BRCA1: variants seen among roughly 807,000 people sequenced by gnomAD.
BRCA1 encodes the protein BRCA1 DNA repair associated, also known as breast cancer type 1 susceptibility protein.
In BRCA1, 140 loss-of-function variants were observed where a neutral mutation model predicts 173.7. The ratio of observed to expected loss-of-function variants is 0.81; its 90% confidence interval spans 0.70 to 0.93. The LOEUF (loss-of-function observed/expected upper bound fraction) is 0.93. BRCA1 is among the 40% of genes least tolerant of loss of function. The probability of loss-of-function intolerance (pLI) is 0.00; values close to 1 mark genes in which losing one functional copy is unlikely to be tolerated. For synonymous variants in BRCA1, 662 were observed against 756.0 expected, an observed-to-expected ratio of 0.88 and a Z score of 2.04; for missense variants, 1,983 against 2,172.5, an observed-to-expected ratio of 0.91 and a Z score of 1.73.
chr17:43,073,929 G>T (rs1485653205), intron 14 of BRCA1, among the ~76,000 whole-genome samples: 1 of 151,830 alleles, frequency 6.6e-6, no homozygotes, highest in Non-Finnish European at 1.5e-5. Context: ...TAATTTTTTT[G>T]TATTTTTAGT....
At chr17:43,105,751 AAC>A (rs2054733656) in intron 4 of BRCA1, among the ~76,000 whole-genome samples, 1 of 152,214 alleles carries the variant, frequency 6.6e-6, no homozygotes, top group African/African-American at 2.4e-5. Flanking sequence ...ACTTAGGAAA[AAC>A]AGTGTTGAGA....
At chr17:43,139,805 T>C in intron 1 of BRCA1, 1 of 457,940 alleles carries the variant, frequency 2.2e-6, no homozygotes, top group Non-Finnish European at 4.4e-6. Context: ...GGTTTTCTGT[T>C]CCTTTCTTAG....
chr17:43,094,731 GAA>G lies in BRCA1; in HGVS notation c.798_799del (p.Ser267LysfsTer19), dbSNP rs80357724. On this transcript the variant is annotated frameshift_variant, in exon 10 of 23. Coordinates refer to ENST00000357654, the MANE Select transcript of BRCA1 (RefSeq NM_007294.4). LOFTEE classifies it high-confidence loss of function. ...GCCACATGGCTCCACATGCAAGTTT[GAA>G]ACAGAACTACCCTGATACTTTTCTG... 2 of 1,611,436 alleles carry G rather than the reference GAA, an allele frequency of 1.2e-6. No homozygotes were observed. Among genetic ancestry groups the G allele is most frequent in the Non-Finnish European group, 1.7e-6 (2 of 1,178,210 alleles).
At chr17:43,057,184 C>T (rs753487581) in intron 18 of BRCA1, 49 bp from the exon 19 acceptor site, 2 of 1,573,148 alleles carry the variant, frequency 1.3e-6, no homozygotes, top group Admixed American at 1.7e-5. Flanking sequence ...AGAGAAGCTT[C>T]CTTCAATGGA....
At chr17:43,085,461 A>C (rs2053193730) in intron 11 of BRCA1, among the ~76,000 whole-genome samples, 1 of 152,190 alleles carries the variant, frequency 6.6e-6, no homozygotes, top group Non-Finnish European at 1.5e-5. Flanking sequence ...ATTAGGATAA[A>C]ATTCCTCAAC....
intron 3 of BRCA1, among the ~76,000 whole-genome samples, chr17:43,107,363 G>A (rs746734036): frequency 2.0e-5 from 3 of 148,820 alleles, no homozygotes; most frequent in Non-Finnish European, 3.0e-5. Flanking sequence ...ATGCCTGGCC[G>A]ACGATTTTTA....
chr17:43,130,844 C>T (rs751318681), intron 1 of BRCA1, among the ~76,000 whole-genome samples: 54 of 152,220 alleles, frequency 3.5e-4, no homozygotes, highest in Non-Finnish European at 5.6e-4. Flanking sequence ...TGTGCTCACA[C>T]ACATACACAC....
intron 1 of BRCA1, among the ~76,000 whole-genome samples, chr17:43,169,072 T>C (rs938445545): frequency 6.6e-6 from 1 of 152,182 alleles, no homozygotes; most frequent in African/African-American, 2.4e-5. Context: ...GATCCAGTTC[T>C]TAAGTTCTCC....
At chr17:43,078,544 C>G (rs1289256186) in intron 12 of BRCA1, among the ~76,000 whole-genome samples, 8 of 152,192 alleles carry the variant, frequency 5.3e-5, no homozygotes, top group Admixed American at 5.2e-4. Context: ...TAAAAAGTCA[C>G]TGATGACTGT....
intron 16 of BRCA1, chr17:43,067,362 C>A: frequency 2.7e-6 from 1 of 369,116 alleles, no homozygotes; most frequent in Non-Finnish European, 5.1e-6. Context: ...TCAAGTGATT[C>A]TCCTGCCTCA....
At chr17:43,110,116 G>C (rs2054970619) in intron 3 of BRCA1, among the ~76,000 whole-genome samples, 1 of 151,932 alleles carries the variant, frequency 6.6e-6, no homozygotes, top group African/African-American at 2.4e-5. Flanking sequence ...GGATGGTCTC[G>C]ATCTCCTGAC....
At chr17:43,072,308 G>A (rs1450924053) in intron 14 of BRCA1, among the ~76,000 whole-genome samples, 1 of 151,684 alleles carries the variant, frequency 6.6e-6, no homozygotes, top group Admixed American at 6.6e-5. Flanking sequence ...AGAATCGCTC[G>A]AACCCAGGAG....
chr17:43,050,616 AAG>A (rs1491017917), intron 20 of BRCA1, among the ~76,000 whole-genome samples: 1,964 of 78,098 alleles, frequency 0.025, 46 homozygotes, highest in African/African-American at 0.055. Flanking sequence ...CTCAAAAAAA[AAG>A]AAAAAAAAAA....
At chr17:43,160,969 A>T (rs2056232482) in intron 1 of BRCA1, 1 of 152,166 alleles carries the variant, frequency 6.6e-6, no homozygotes, top group Non-Finnish European at 1.5e-5. Context: ...TAGCGCTGGG[A>T]ACCATTTTCT....
upstream of BRCA1, among the ~76,000 whole-genome samples, chr17:43,127,202 G>C (rs964131547): frequency 6.6e-6 from 1 of 152,256 alleles, no homozygotes; most frequent in African/African-American, 2.4e-5. Context: ...GCTGAGAGGA[G>C]TGCAGGCGCC....
At chr17:43,136,768 TAAAAAGGAAACAA>T (rs2056028066) in intron 1 of BRCA1, among the ~76,000 whole-genome samples, 1 of 151,968 alleles carries the variant, frequency 6.6e-6, no homozygotes. Context: ...TGTCAGTCAT[TAAAAAGGAAACAA>T]CAGGTGCTGG....
At chr17:43,084,509 A>G (rs1214085221) in intron 11 of BRCA1, among the ~76,000 whole-genome samples, 2 of 152,198 alleles carry the variant, frequency 1.3e-5, no homozygotes, top group Admixed American at 1.3e-4. Context: ...AGGAACAGCA[A>G]TGGTTGCCAA....
At position 43,093,953 on chromosome 17, in the gene BRCA1, T is replaced by C. The variant is rs762642319; in HGVS notation, c.1578A>G (p.Gln526=). The change falls in exon 10 of 23, where the codon CAA becomes CAG. Residue 526 remains glutamine, a synonymous_variant. Coordinates refer to ENST00000357654, the MANE Select transcript of BRCA1 (RefSeq NM_007294.4). ...CCTGATTTATCATTTCAGGAGTCTT[T>C]TGAACTGCCAAATCTGCTTTCTTGA... ...DFIKKADLAV[Q]KTPEMINQGT... The C allele has an allele frequency of 6.2e-7, 1 of 1,613,874 alleles. No homozygotes were observed. Among genetic ancestry groups the C allele is most frequent in the South Asian group, 1.1e-5 (1 of 91,002 alleles).
chr17:43,084,126 G>A (rs1048941246), intron 11 of BRCA1, among the ~76,000 whole-genome samples: 1 of 152,082 alleles, frequency 6.6e-6, no homozygotes. Flanking sequence ...CGCCTCCCAG[G>A]TTCAAGCCAT....
Sources: allele counts gnomAD v4.1 joint callset (sites outside exome capture counted in the v4.1 genomes callset), GRCh38; gene constraint gnomAD v4.1.1; transcripts MANE v1.5; gene names NCBI Gene and HGNC (gene_info 2026-07-23, HGNC 2026-07-21).